Variants in DCC observed in about 807,000 individuals in gnomAD.
DCC encodes netrin receptor DCC.
Under a neutral mutation model 172.5 loss-of-function variants are expected in DCC, and 58 were observed. The observed-to-expected ratio is 0.34, with a 90% confidence interval of 0.27 to 0.42. The LOEUF (loss-of-function observed/expected upper bound fraction) is 0.42. Among genes scored for constraint, DCC ranks in the 10% least tolerant of loss-of-function variants. The pLI is 1.00. For synonymous variants in DCC, 709 were observed against 644.5 expected, an observed-to-expected ratio of 1.10 and a Z score of -1.52; for missense variants, 1,740 against 1,791.0, an observed-to-expected ratio of 0.97 and a Z score of 0.51.
chr18:53,462,424 G>A (rs143291990), intron 24 of DCC, among the ~76,000 whole-genome samples: 81 of 151,806 alleles, frequency 5.3e-4, no homozygotes, highest in African/African-American at 1.9e-3. Flanking sequence ...TAGGCTGCAC[G>A]CTCCTTATAA....
At chr18:53,278,173 T>C (rs143351569) in intron 12 of DCC, among the ~76,000 whole-genome samples, 310 of 151,908 alleles carry the variant, frequency 2.0e-3, no homozygotes, top group African/African-American at 7.2e-3. Flanking sequence ...CAGTGTACAT[T>C]AAAAAATCTG....
chr18:53,477,784 C>G (rs187431817), intron 25 of DCC, among the ~76,000 whole-genome samples: 4 of 152,268 alleles, frequency 2.6e-5, no homozygotes, highest in Admixed American at 2.6e-4. Context: ...GCATATGCTA[C>G]TCCTTATCCC....
intron 1 of DCC, among the ~76,000 whole-genome samples, chr18:52,383,561 G>A (rs1386234728): frequency 6.6e-6 from 1 of 151,846 alleles, no homozygotes; most frequent in Non-Finnish European, 1.5e-5. Context: ...TTATATTAGT[G>A]TCAAATAAAC....
intron 21 of DCC, among the ~76,000 whole-genome samples, chr18:53,430,276 T>G (rs926646678): frequency 2.6e-5 from 4 of 152,110 alleles, no homozygotes; most frequent in Non-Finnish European, 5.9e-5. Context: ...TCCATTTGAT[T>G]TAGATTATGG....
At chr18:52,728,548 A>G (rs2036588558) in intron 1 of DCC, among the ~76,000 whole-genome samples, 1 of 152,222 alleles carries the variant, frequency 6.6e-6, no homozygotes, top group Non-Finnish European at 1.5e-5. Flanking sequence ...AGTACAACCC[A>G]TATGAGAGAT....
At chr18:53,376,379 G>A in intron 15 of DCC, among the ~76,000 whole-genome samples, 1 of 152,020 alleles carries the variant, frequency 6.6e-6, no homozygotes, top group East Asian at 1.9e-4. Context: ...GCAAAACTGT[G>A]TCTCAAAAAT....
chr18:53,459,060 G>C (rs541825217), intron 23 of DCC, among the ~76,000 whole-genome samples, 172 bp from the exon 24 acceptor site: 7 of 152,298 alleles, frequency 4.6e-5, no homozygotes, highest in East Asian at 3.9e-4. Context: ...GAAGCTCCAG[G>C]GGGGAAGAGG....
Position 52,669,845 on chromosome 18 carries a change from AAAAACAAAAC to A in DCC, c.92-82189_92-82180del, listed in dbSNP as rs906701436. 6.0e-5 allele frequency among the ~76,000 whole-genome samples: 9 copies of A among 150,638 alleles called. No homozygotes were observed. In the South Asian group the frequency reaches 1.0e-3, roughly 18 times the overall value. Reference sequence around the variant, plus strand: ...ATTGTAGGTAAGGAGAAGCGTTTGAAAAAACAAAACAAAACAAAACAAAACAAAAAACACA... The same window carrying A: ...ATTGTAGGTAAGGAGAAGCGTTTGAAAAAACAAAACAAAACAAAAAACACA... On this transcript the variant is annotated intron_variant, in intron 1 of 28. Transcript: ENST00000442544.
intron 2 of DCC, 80 bp from the exon 3 acceptor site, chr18:52,905,959 CAAAGA>C: frequency 1.1e-6 from 1 of 950,464 alleles, no homozygotes; most frequent in Non-Finnish European, 1.7e-6. Context: ...TAATTTTCTA[CAAAGA>C]ATACAAAGTG....
In DCC at chr18:53,362,043, TATC is replaced by T. The variant is rs1444788295; in HGVS notation, c.2359+22139_2359+22141del. Among the ~76,000 whole-genome samples the T allele has an allele frequency of 2.0e-5, 3 of 152,312 alleles. No homozygotes were observed. The East Asian group carries it at 5.8e-4, about 29-fold the overall frequency. On this transcript the variant is annotated intron_variant, in intron 15 of 28. Transcript: ENST00000442544. ...TTTCTTTTATATTTGGCCCTCTTCTTATCATTATCTTTTTCTAATATGTTACTT... is the reference window on the plus strand; with the variant it reads ...TTTCTTTTATATTTGGCCCTCTTCTTATTATCTTTTTCTAATATGTTACTT...
chr18:52,885,861 G>T (rs764151263), intron 2 of DCC, among the ~76,000 whole-genome samples: 1 of 151,980 alleles, frequency 6.6e-6, no homozygotes, highest in Non-Finnish European at 1.5e-5. Flanking sequence ...GGGCTCTTTA[G>T]TCAGCAGGTG....
At chr18:52,870,245 C>T (rs2039298137) in intron 2 of DCC, among the ~76,000 whole-genome samples, 1 of 152,090 alleles carries the variant, frequency 6.6e-6, no homozygotes, top group Non-Finnish European at 1.5e-5. Context: ...GGTGGAGGCT[C>T]CAGGCCTGGT....
intron 2 of DCC, among the ~76,000 whole-genome samples, chr18:52,888,261 A>T (rs543404216): frequency 1.3e-5 from 2 of 152,340 alleles, no homozygotes; most frequent in African/African-American, 4.8e-5. Context: ...AAGTGCTGAC[A>T]AAAAGATGAA....
intron 1 of DCC, among the ~76,000 whole-genome samples, chr18:52,377,258 A>C (rs902311914): frequency 6.6e-6 from 1 of 152,198 alleles, no homozygotes; most frequent in African/African-American, 2.4e-5. Context: ...AGCCTACATT[A>C]CTATCCTGAG....
At chr18:52,506,911 C>T (rs1035986070) in intron 1 of DCC, among the ~76,000 whole-genome samples, 1 of 152,016 alleles carries the variant, frequency 6.6e-6, no homozygotes, top group Non-Finnish European at 1.5e-5. Context: ...ATAGTTGTAG[C>T]ATTGATATTT....
rs1004984565 is a variant in DCC, at chr18:53,534,205, T to C, written c.*3552T>C. On this transcript the variant is annotated 3_prime_UTR_variant, in exon 29 of 29. Transcript: ENST00000442544. The stretch of plus-strand genomic sequence containing the variant: ...AAAGATAACATCTTACCATTTTAGA[T>C]AAAATTGTGTCCCAGAATTCTTATG... 3.9e-5 allele frequency: 6 copies of C among 152,342 alleles called. No homozygotes were observed. The highest frequency in any genetic ancestry group is 5.9e-5 in the Non-Finnish European group (4 of 68,028). The allele number at this position is 152,342 out of a possible 1,614,324, so 9.4% of individuals were successfully genotyped here. A position where few individuals can be genotyped will look rare whatever the true frequency, so the allele number is the denominator to read the frequency against.
intron 7 of DCC, among the ~76,000 whole-genome samples, chr18:53,091,861 A>ATCTATCAATCTATC (rs772452207): frequency 4.7e-5 from 3 of 63,358 alleles, no homozygotes; most frequent in East Asian, 7.2e-4. Context: ...CAATCTATCT[A>ATCTATCAATCTATC]TATATATATA....
intron 5 of DCC, among the ~76,000 whole-genome samples, chr18:53,046,194 T>C (rs1034044759): frequency 1.1e-4 from 16 of 151,940 alleles, no homozygotes; most frequent in Admixed American, 8.6e-4. Flanking sequence ...TACATCATAG[T>C]AAGTGTTGAT....
At chr18:52,645,112 T>G (rs1191804684) in intron 1 of DCC, among the ~76,000 whole-genome samples, 2 of 152,124 alleles carry the variant, frequency 1.3e-5, no homozygotes, top group African/African-American at 4.8e-5. Flanking sequence ...CTTGAGACAT[T>G]GTATTTGAGT....
Sources: allele counts gnomAD v4.1 joint callset (sites outside exome capture counted in the v4.1 genomes callset), GRCh38; gene constraint gnomAD v4.1.1; transcripts MANE v1.5; gene names NCBI Gene and HGNC (gene_info 2026-07-23, HGNC 2026-07-21).